Variants in ULK4 observed in about 807,000 individuals in gnomAD.
The protein encoded by ULK4 is unc-51 like kinase 4, also known as inactive serine/threonine-protein kinase ULK4.
Under a neutral mutation model 160.6 loss-of-function variants are expected in ULK4, and 133 were observed. The ratio of observed to expected loss-of-function variants is 0.83; its 90% CI spans 0.72 to 0.96. The LOEUF is 0.96. Ranked by LOEUF, ULK4 falls within the 40% of genes least tolerant of loss-of-function variation. ULK4 has a pLI of 0.00. For synonymous variants in ULK4, 534 were observed against 539.8 expected, an observed-to-expected ratio of 0.99 and a Z score of 0.15; for missense variants, 1,580 against 1,499.5, an observed-to-expected ratio of 1.05 and a Z score of -0.89.
At chr3:41,929,342 C>T (rs1699498318) in intron 5 of ULK4, among the ~76,000 whole-genome samples, 1 of 152,116 alleles carries the variant, frequency 6.6e-6, no homozygotes, top group African/African-American at 2.4e-5. Flanking sequence ...GAACGTATCT[C>T]AAAATAATAA....
At chr3:41,759,656 A>G (rs1160892289) in intron 21 of ULK4, among the ~76,000 whole-genome samples, 1 of 152,154 alleles carries the variant, frequency 6.6e-6, no homozygotes, top group African/African-American at 2.4e-5. Context: ...AAAGGTAAAT[A>G]AAAACTAGAA....
chr3:41,607,756 T>C (rs891445569), intron 31 of ULK4, among the ~76,000 whole-genome samples: 6 of 152,282 alleles, frequency 3.9e-5, no homozygotes, highest in South Asian at 2.1e-4. Flanking sequence ...AAATATTACA[T>C]GGTCATTAAA....
chr3:41,762,523 T>G (rs2039018231), intron 21 of ULK4, among the ~76,000 whole-genome samples: 1 of 152,060 alleles, frequency 6.6e-6, no homozygotes, highest in South Asian at 2.1e-4. Flanking sequence ...GGAAAGAGGT[T>G]TGATTAACTC....
chr3:41,398,388 CTTT>C (rs11331714), intron 34 of ULK4, 124 bp from the exon 35 acceptor site: 314 of 724,662 alleles, frequency 4.3e-4, no homozygotes, highest in East Asian at 5.6e-4. Flanking sequence ...TACTTTTTTA[CTTT>C]TTTTTTTTTT....
Position 41,249,504 on chromosome 3 carries a change from A to C in ULK4, c.3749T>G (p.Leu1250Arg). 1 of 1,613,926 alleles carries C rather than the reference A, an allele frequency of 6.2e-7. No individual in the cohort carries two copies. The highest frequency in any genetic ancestry group is 2.2e-5 in the East Asian group (1 of 44,856). Residue 1250 changes from leucine to arginine, a missense_variant, in exon 36 of 37, where the codon CTG becomes CGG. Transcript: ENST00000301831. Reference protein sequence around the residue: ...AGSLLRALERLAPGSGSFADS... With the variant: ...AGSLLRALERRAPGSGSFADS... ...TCCCACTTACCCACTCCCAGGGGCC[A>C]GCCGCTCCAGAGCCCGCAGGAGGCT...
chr3:41,759,844 T>C (rs975398531), intron 21 of ULK4, among the ~76,000 whole-genome samples: 11 of 152,208 alleles, frequency 7.2e-5, no homozygotes, highest in Non-Finnish European at 1.6e-4. Flanking sequence ...AAAGGCAACA[T>C]TGGAAAAAGG....
chr3:41,897,226 C>G (rs1698190587), intron 14 of ULK4, among the ~76,000 whole-genome samples: 1 of 152,142 alleles, frequency 6.6e-6, no homozygotes, highest in South Asian at 2.1e-4. Flanking sequence ...CAATGGAAAA[C>G]TATACTTTCA....
rs991003407 is a variant in ULK4 at position 41,915,065 on chromosome 3, G to A, written c.803+912C>T. On this transcript the variant is annotated intron_variant, in intron 8 of 36. Transcript: ENST00000301831. ...AGAGAAAAAAGTAGGTTATGGAGTG[G>A]TCCCATGTAAGCAAAAAATTATATA... Among the ~76,000 whole-genome samples the A allele has an allele frequency of 2.0e-5, 3 of 152,182 alleles. No individual in the cohort carries two copies. In the East Asian group the frequency reaches 5.8e-4, roughly 29 times the overall value.
intron 21 of ULK4, among the ~76,000 whole-genome samples, chr3:41,781,114 G>A (rs964209729): frequency 1.3e-5 from 2 of 152,044 alleles, no homozygotes; most frequent in Non-Finnish European, 2.9e-5. Flanking sequence ...GAAAGCAAGA[G>A]AGAGGAGAGA....
chr3:41,556,704 G>T (rs1480966258), intron 32 of ULK4, among the ~76,000 whole-genome samples: 1 of 151,858 alleles, frequency 6.6e-6, no homozygotes, highest in Non-Finnish European at 1.5e-5. Flanking sequence ...AGCCAGGATG[G>T]TCTCCATCTG....
chr3:41,724,425 T>G (rs928542236), intron 22 of ULK4, among the ~76,000 whole-genome samples: 1 of 152,144 alleles, frequency 6.6e-6, no homozygotes, highest in Non-Finnish European at 1.5e-5. Flanking sequence ...CAGGTAGATA[T>G]AAGAATTCCA....
chr3:41,868,684 G>T (rs1196101474), intron 17 of ULK4, among the ~76,000 whole-genome samples: 5 of 151,514 alleles, frequency 3.3e-5, no homozygotes, highest in Non-Finnish European at 7.4e-5. Flanking sequence ...TTTTAGTAGA[G>T]ACAGGTTTCA....
intron 17 of ULK4, among the ~76,000 whole-genome samples, chr3:41,874,891 C>T (rs1039505548): frequency 1.3e-5 from 2 of 152,138 alleles, no homozygotes; most frequent in East Asian, 1.9e-4. Flanking sequence ...AATTAATTAG[C>T]AGTCAGGTGC....
At chr3:41,538,100 A>G (rs889899699) in intron 32 of ULK4, among the ~76,000 whole-genome samples, 1 of 152,042 alleles carries the variant, frequency 6.6e-6, no homozygotes, top group African/African-American at 2.4e-5. Flanking sequence ...ACCTCTTTCT[A>G]AAAGTATCAA....
At chr3:41,498,654 G>A (rs2085079804) in intron 32 of ULK4, among the ~76,000 whole-genome samples, 1 of 150,632 alleles carries the variant, frequency 6.6e-6, no homozygotes, top group African/African-American at 2.5e-5. Context: ...GGAGTGCAGT[G>A]GCACGATCTC....
At chr3:41,819,658 G>C (rs1441881224) in intron 18 of ULK4, 152 bp from the exon 19 acceptor site, 1 of 622,344 alleles carries the variant, frequency 1.6e-6, no homozygotes, top group East Asian at 2.7e-5. Context: ...ATAACGACTA[G>C]ATCAAGGATC....
intron 17 of ULK4, among the ~76,000 whole-genome samples, chr3:41,877,397 G>A (rs1456742183): frequency 7.9e-5 from 12 of 151,522 alleles, no homozygotes; most frequent in African/African-American, 2.7e-4. Flanking sequence ...GCAGTGGTCC[G>A]ATCCCAGCAG....
intron 33 of ULK4, among the ~76,000 whole-genome samples, chr3:41,460,517 T>C (rs1466403363): frequency 6.6e-6 from 1 of 152,180 alleles, no homozygotes; most frequent in Non-Finnish European, 1.5e-5. Flanking sequence ...GCTAACACCC[T>C]TTCTCCCTTG....
At chr3:41,922,942 T>C (rs1308590866) in intron 5 of ULK4, among the ~76,000 whole-genome samples, 1 of 151,814 alleles carries the variant, frequency 6.6e-6, no homozygotes, top group African/African-American at 2.4e-5. Context: ...GAGGCCGGGG[T>C]GGGCAAATCA....
Sources: allele counts gnomAD v4.1 joint callset (sites outside exome capture counted in the v4.1 genomes callset), GRCh38; gene constraint gnomAD v4.1.1; transcripts MANE v1.5; gene names NCBI Gene and HGNC (gene_info 2026-07-23, HGNC 2026-07-21).